Variants in ANKAR observed in about 807,000 individuals in gnomAD.
ANKAR encodes ankyrin and armadillo repeat-containing protein.
A neutral mutation model predicts 146.2 loss-of-function variants in ANKAR; 136 were observed. That is an observed-to-expected ratio of 0.93 (90% CI 0.81 to 1.07). The LOEUF (loss-of-function observed/expected upper bound fraction) is 1.07, where lower values mean the gene tolerates loss of function less well. Ranked by LOEUF, ANKAR falls within the 50% of genes least tolerant of loss-of-function variation. The probability of loss-of-function intolerance (pLI) is 0.00; values close to 1 mark genes in which losing one functional copy is unlikely to be tolerated. For synonymous variants in ANKAR, 500 were observed against 575.8 expected (o/e 0.87, Z 1.88); for missense variants, 1,567 against 1,679.9 (o/e 0.93, Z 1.18).
At chr2:189,747,904 T>C (rs959993484), downstream of ANKAR, among the ~76,000 whole-genome samples, 1 of 152,118 alleles carries the variant, frequency 6.6e-6, no homozygotes, top group Non-Finnish European at 1.5e-5. Context: ...CAGGCTGGTC[T>C]TGAACTCCTG....
intron 18 of ANKAR, chr2:189,754,649 G>T: frequency 3.2e-6 from 1 of 317,358 alleles, no homozygotes; most frequent in Non-Finnish European, 5.7e-6. Context: ...ATAAGAACTT[G>T]TCCTATACTT....
Position 189,720,599 on chromosome 2 carries a change from T to G in ANKAR, c.2467-20T>G. The G allele has an allele frequency of 1.5e-6, 2 of 1,293,868 alleles. No homozygotes were observed. Among genetic ancestry groups the G allele is most frequent in the Non-Finnish European group, 2.0e-6 (2 of 995,210 alleles). The allele number at this position is 1,293,868 out of a possible 1,614,324, so 80.1% of individuals were successfully genotyped here. ...TTATCTTAAACAAATTCAAATGTAA[T>G]TTTTTTTGTTTATTTTTAGAATGGA... On this transcript the variant is annotated intron_variant, in intron 11 of 22. Coordinates refer to ENST00000684021, the MANE Select transcript of ANKAR (RefSeq NM_001378068.1).
At chr2:189,728,636 A>C in intron 14 of ANKAR, 24 bp from the exon 15 acceptor site, 1 of 1,609,954 alleles carries the variant, frequency 6.2e-7, no homozygotes, top group Non-Finnish European at 8.5e-7. Context: ...AGTATCATAC[A>C]TGTATCTTGC....
intron 5 of ANKAR, among the ~76,000 whole-genome samples, chr2:189,693,710 G>A (rs2036775771): frequency 6.6e-6 from 1 of 151,980 alleles, no homozygotes; most frequent in African/African-American, 2.4e-5. Context: ...CTAGGAGTTC[G>A]AGACCAGACT....
intron 18 of ANKAR, among the ~76,000 whole-genome samples, chr2:189,752,100 C>T (rs906773615): frequency 5.3e-5 from 8 of 151,456 alleles, no homozygotes; most frequent in African/African-American, 1.5e-4. Context: ...GCCGAGAATG[C>T]GCCACTGCAC....
chr2:189,702,343 G>A (rs548341583), intron 7 of ANKAR, among the ~76,000 whole-genome samples: 135 of 152,128 alleles, frequency 8.9e-4, no homozygotes, highest in Non-Finnish European at 1.6e-3. Context: ...ACACATGAAA[G>A]CATGGGGCCC....
chr2:189,713,328 A>G (rs1165452360), intron 10 of ANKAR, among the ~76,000 whole-genome samples: 1 of 152,206 alleles, frequency 6.6e-6, no homozygotes, highest in Non-Finnish European at 1.5e-5. Flanking sequence ...AGATTCACCA[A>G]GGTTGAAATG....
intron 12 of ANKAR, among the ~76,000 whole-genome samples, chr2:189,726,168 T>C (rs2041858728): frequency 2.0e-5 from 3 of 152,206 alleles, no homozygotes; most frequent in Admixed American, 6.5e-5. Flanking sequence ...TTTTGATATT[T>C]ACATGGTCTT....
At chr2:189,693,898 G>A (rs576453773) in intron 5 of ANKAR, among the ~76,000 whole-genome samples, 13 of 152,142 alleles carry the variant, frequency 8.5e-5, no homozygotes, top group South Asian at 4.1e-4. Context: ...ACAGGCATGC[G>A]CCACCATGCC....
intron 20 of ANKAR, among the ~76,000 whole-genome samples, chr2:189,743,002 A>C (rs1162710075): frequency 1.4e-5 from 2 of 139,210 alleles, no homozygotes; most frequent in African/African-American, 5.3e-5. Context: ...ATTCTGATTT[A>C]GTTGGTGGGC....
rs562854842 is a variant in ANKAR, at chr2:189,691,556, G to A, written c.1040-699G>A. 3.3e-4 allele frequency among the ~76,000 whole-genome samples: 50 copies of A among 151,948 alleles called. 1 individual carries two copies. Among genetic ancestry groups the A allele is most frequent in the Middle Eastern group, 3.4e-3 (1 of 292 alleles). On this transcript the variant is annotated intron_variant, in intron 3 of 22. Coordinates refer to ENST00000684021, the MANE Select transcript of ANKAR (RefSeq NM_001378068.1). Reference sequence around the variant, plus strand: ...GTTTCTGGTCCTTTCTTATAATTGGGAGTAAGATACTAATCTTGAGCTCAC... The same window carrying A: ...GTTTCTGGTCCTTTCTTATAATTGGAAGTAAGATACTAATCTTGAGCTCAC...
chr2:189,691,944 T>C (rs779642751), intron 3 of ANKAR, among the ~76,000 whole-genome samples: 2 of 151,996 alleles, frequency 1.3e-5, no homozygotes, highest in Non-Finnish European at 2.9e-5. Context: ...GTGTTTTTAG[T>C]AGAGACGGGG....
In ANKAR at chr2:189,738,571, G is replaced by T; in HGVS notation, c.3589G>T (p.Val1197Leu). Residue 1197 changes from valine to leucine, a missense_variant, in exon 19 of 23, where the codon GTA (valine) becomes TTA (leucine). Coordinates refer to ENST00000684021, the MANE Select transcript of ANKAR (RefSeq NM_001378068.1). ...EKAMAAFQIV[V>L]LAKVIRDMDH... Reference sequence around the variant, plus strand: ...GCTTCTTTTCTGTTTTCAGATTGTTGTACTGGCTAAAGTCATTAGAGATAT... The same window carrying T: ...GCTTCTTTTCTGTTTTCAGATTGTTTTACTGGCTAAAGTCATTAGAGATAT... 6.3e-7 allele frequency: 1 copy of T among 1,583,178 alleles called. No individual in the cohort carries two copies.
At chr2:189,726,303 A>G (rs2105818659) in intron 12 of ANKAR, among the ~76,000 whole-genome samples, 1 of 152,280 alleles carries the variant, frequency 6.6e-6, no homozygotes, top group South Asian at 2.1e-4. Flanking sequence ...CACAGAGGAT[A>G]TCCCCAGAAC....
At chr2:189,703,335 A>G (rs2038359203) in intron 7 of ANKAR, among the ~76,000 whole-genome samples, 1 of 152,154 alleles carries the variant, frequency 6.6e-6, no homozygotes, top group Non-Finnish European at 1.5e-5. Context: ...TGGTGGTGGT[A>G]GAGATGGGTT....
At chr2:189,707,475 A>AG (rs2039111818) in intron 9 of ANKAR, among the ~76,000 whole-genome samples, 1 of 146,816 alleles carries the variant, frequency 6.8e-6, no homozygotes, top group Non-Finnish European at 1.5e-5. Flanking sequence ...AAAAAAAAAA[A>AG]GGAAAGAGGA....
chr2:189,744,776 A>C lies in ANKAR; in HGVS notation c.4045A>C (p.Ile1349Leu). Residue 1349 changes from isoleucine to leucine, a missense_variant, in exon 22 of 23, where the codon ATC (isoleucine) becomes CTC (leucine). By Grantham distance (5) the Ile-to-Leu change is conservative (BLOSUM62 2). Coordinates refer to ENST00000684021, the MANE Select transcript of ANKAR (RefSeq NM_001378068.1). ...GAATGGAGGACCATCCATAATTCCTATCTTTAAAAGAGGTAATTGATTTTT... is the reference window on the plus strand; with the variant it reads ...GAATGGAGGACCATCCATAATTCCTCTCTTTAAAAGAGGTAATTGATTTTT... Reference protein sequence around the residue: ...EKNGGPSIIPIFKRGKEHRRK... With the variant: ...EKNGGPSIIPLFKRGKEHRRK... 6.3e-7 allele frequency: 1 copy of C among 1,590,698 alleles called. No homozygotes were observed. The highest frequency in any genetic ancestry group is 1.3e-5 in the African/African-American group (1 of 74,358).
intron 10 of ANKAR, among the ~76,000 whole-genome samples, chr2:189,717,651 G>T (rs967101805): frequency 1.3e-5 from 2 of 152,110 alleles, no homozygotes; most frequent in African/African-American, 4.8e-5. Flanking sequence ...GGTTTACTGT[G>T]GCACTATTCA....
chr2:189,684,174 T>A (rs540802429), intron 2 of ANKAR, among the ~76,000 whole-genome samples: 8 of 152,236 alleles, frequency 5.3e-5, no homozygotes, highest in African/African-American at 1.7e-4. Context: ...AATGGGAACT[T>A]ATTTATTATC....
Sources: gnomAD v4.1 joint callset for allele counts (sites outside exome capture counted in the v4.1 genomes callset) on GRCh38, gnomAD v4.1.1 for gene constraint, MANE v1.5 for transcripts, NCBI Gene and HGNC (gene_info 2026-07-23, HGNC 2026-07-21) for gene names.